EXOC4: variants seen among roughly 807,000 people sequenced by gnomAD.
EXOC4 encodes the protein exocyst complex component 4.
In EXOC4, 71 loss-of-function variants were observed where a neutral mutation model predicts 107.2. That is an observed-to-expected ratio of 0.66 (90% CI 0.55 to 0.81). The LOEUF (loss-of-function observed/expected upper bound fraction) is 0.81. EXOC4 is among the 30% of genes least tolerant of loss of function. The probability of loss-of-function intolerance (pLI) is 0.00; values close to 1 mark genes in which losing one functional copy is unlikely to be tolerated. For synonymous variants in EXOC4, 456 were observed against 441.2 expected (o/e 1.03, Z -0.42); for missense variants, 1,108 against 1,189.6 (o/e 0.93, Z 1.01).
chr7:133,605,071 C>T (rs1355561818), intron 9 of EXOC4, among the ~76,000 whole-genome samples: 2 of 152,082 alleles, frequency 1.3e-5, no homozygotes, highest in Non-Finnish European at 2.9e-5. Context: ...GGCCTAACCT[C>T]TTCTTGTCTT....
At chr7:133,963,869 G>A (rs1050702489) in intron 14 of EXOC4, among the ~76,000 whole-genome samples, 1 of 152,150 alleles carries the variant, frequency 6.6e-6, no homozygotes, top group African/African-American at 2.4e-5. Flanking sequence ...TAAGACATGA[G>A]TTAAATTAAT....
At chr7:134,088,583 A>T in the EXOC4 span, among the ~76,000 whole-genome samples, 1 of 152,184 alleles carries the variant, frequency 6.6e-6, no homozygotes, top group Non-Finnish European at 1.5e-5. Context: ...ATTCATGAAC[A>T]TTTCAGTTCT....
intron 13 of EXOC4, among the ~76,000 whole-genome samples, chr7:133,935,406 G>A (rs924763258): frequency 2.0e-5 from 3 of 152,110 alleles, no homozygotes; most frequent in Admixed American, 6.5e-5. Flanking sequence ...GCACATTGCT[G>A]ACCCCAACAA....
intron 9 of EXOC4, among the ~76,000 whole-genome samples, chr7:133,547,619 A>G (rs1288017454): frequency 1.3e-5 from 2 of 152,166 alleles, no homozygotes; most frequent in Admixed American, 6.5e-5. Flanking sequence ...ATATAATTCT[A>G]AATCCTTTGT....
intron 14 of EXOC4, among the ~76,000 whole-genome samples, chr7:133,938,364 C>A (rs1265914306): frequency 6.6e-6 from 1 of 152,140 alleles, no homozygotes. Flanking sequence ...GCCATTAAGT[C>A]TCAAGAACAG....
At chr7:133,885,500 C>G (rs1266794101) in intron 11 of EXOC4, among the ~76,000 whole-genome samples, 1 of 152,088 alleles carries the variant, frequency 6.6e-6, no homozygotes, top group Non-Finnish European at 1.5e-5. Context: ...AGATACCTTG[C>G]AAGGTGTTAG....
chr7:133,995,978 C>CT (rs1016227272), intron 14 of EXOC4, among the ~76,000 whole-genome samples: 1 of 152,128 alleles, frequency 6.6e-6, no homozygotes, highest in Non-Finnish European at 1.5e-5. Context: ...CAGAGAGCCT[C>CT]TTTCTTCCAA....
At chr7:133,517,097 T>C (rs1361961842) in intron 9 of EXOC4, among the ~76,000 whole-genome samples, 2 of 152,124 alleles carry the variant, frequency 1.3e-5, no homozygotes, top group Non-Finnish European at 2.9e-5. Context: ...GCAAAAGGAA[T>C]TCTATACATT....
intron 10 of EXOC4, among the ~76,000 whole-genome samples, chr7:133,809,052 C>G (rs1238525830): frequency 1.3e-5 from 2 of 148,540 alleles, no homozygotes; most frequent in East Asian, 4.0e-4. Flanking sequence ...TTTCAGTTTG[C>G]TGGATTTAGG....
At chr7:133,378,264 C>T (rs1195529259) in intron 7 of EXOC4, among the ~76,000 whole-genome samples, 3 of 148,526 alleles carry the variant, frequency 2.0e-5, no homozygotes, top group Non-Finnish European at 3.0e-5. Context: ...GAGCTGCGAT[C>T]GCGCCACTGC....
the EXOC4 span, among the ~76,000 whole-genome samples, chr7:134,087,677 C>T: frequency 6.6e-6 from 1 of 152,090 alleles, no homozygotes; most frequent in African/African-American, 2.4e-5. Context: ...GAGCAGCAGT[C>T]AGAGATCACT....
At chr7:133,935,104 C>A (rs1800268398) in intron 13 of EXOC4, among the ~76,000 whole-genome samples, 1 of 151,878 alleles carries the variant, frequency 6.6e-6, no homozygotes, top group Non-Finnish European at 1.5e-5. Flanking sequence ...ACTATTGCTC[C>A]ATGATGGCAT....
chr7:133,860,929 T>C (rs540366729), intron 11 of EXOC4, among the ~76,000 whole-genome samples: 6 of 152,332 alleles, frequency 3.9e-5, no homozygotes, highest in African/African-American at 1.2e-4. Context: ...AGCTGCTTCC[T>C]TTCCCCTCAC....
intron 14 of EXOC4, among the ~76,000 whole-genome samples, chr7:133,982,232 C>A (rs979556110): frequency 6.6e-6 from 1 of 152,134 alleles, no homozygotes. Context: ...ACACAGGTAC[C>A]CCTCAGCCTA....
At chr7:134,008,068 A>G (rs1025609884) in intron 17 of EXOC4, 7 of 428,836 alleles carry the variant, frequency 1.6e-5, no homozygotes, top group East Asian at 7.8e-5. Flanking sequence ...CTTCTTAACT[A>G]CAATACTTGA....
intron 6 of EXOC4, among the ~76,000 whole-genome samples, chr7:133,357,290 G>A (rs1364644039): frequency 1.3e-5 from 2 of 152,146 alleles, no homozygotes; most frequent in Non-Finnish European, 2.9e-5. Flanking sequence ...TCCACATATT[G>A]CAGTTAGGAG....
intron 11 of EXOC4, among the ~76,000 whole-genome samples, chr7:133,882,007 A>G (rs1392223887): frequency 6.6e-6 from 1 of 151,662 alleles, no homozygotes; most frequent in Non-Finnish European, 1.5e-5. Context: ...TCCTCCCCAC[A>G]CTGCTCTAAA....
rs1793832285 is a variant in EXOC4, at chr7:133,270,111, G to T, written c.87-4871G>T. Among the ~76,000 whole-genome samples, 5 of 152,110 alleles carry T rather than the reference G, an allele frequency of 3.3e-5. No individual in the cohort carries two copies. The South Asian group carries it at 1.0e-3, about 32-fold the overall frequency. On this transcript the variant is annotated intron_variant, in intron 1 of 17. Coordinates refer to ENST00000253861, the MANE Select transcript of EXOC4 (RefSeq NM_021807.4). ...ATAGTGAATGAGTTTCACCAGATCT[G>T]ATGGTTTTAGACAGGGTAGTCCCTG...
At chr7:133,868,064 T>G (rs1318579797) in intron 11 of EXOC4, among the ~76,000 whole-genome samples, 3 of 152,230 alleles carry the variant, frequency 2.0e-5, no homozygotes, top group Non-Finnish European at 4.4e-5. Context: ...TGTTTTTTAG[T>G]AATAGTTTTA....
Sources: gnomAD v4.1 joint callset for allele counts (sites outside exome capture counted in the v4.1 genomes callset) on GRCh38, gnomAD v4.1.1 for gene constraint, MANE v1.5 for transcripts, NCBI Gene and HGNC (gene_info 2026-07-23, HGNC 2026-07-21) for gene names.